MEI4: variants seen among roughly 807,000 people sequenced by gnomAD.
MEI4 encodes meiotic double-stranded break formation protein 4.
In MEI4, 27 loss-of-function variants were observed where a neutral mutation model predicts 31.4. That is an observed-to-expected ratio of 0.86 (90% confidence interval 0.63 to 1.19). The LOEUF is 1.19. Among genes scored for constraint, MEI4 ranks in the 50% most tolerant of loss-of-function variants. The probability of loss-of-function intolerance (pLI) is 0.00; values close to 1 mark genes in which losing one functional copy is unlikely to be tolerated. For synonymous variants in MEI4, 122 were observed against 145.4 expected, an observed-to-expected ratio of 0.84 and a Z score of 1.16; for missense variants, 329 against 398.9, an observed-to-expected ratio of 0.82 and a Z score of 1.49.
At chr6:77,770,979 A>AGG (rs1397004100) in intron 3 of MEI4, among the ~76,000 whole-genome samples, 2 of 152,186 alleles carry the variant, frequency 1.3e-5, no homozygotes, top group African/African-American at 4.8e-5. Flanking sequence ...AGCAAAATAA[A>AGG]CTATCAACAG....
intron 4 of MEI4, among the ~76,000 whole-genome samples, chr6:77,868,110 C>G (rs916729772): frequency 6.6e-6 from 1 of 151,658 alleles, no homozygotes; most frequent in Non-Finnish European, 1.5e-5. Context: ...GGAGATTTAC[C>G]TAATTTTAAA....
intron 4 of MEI4, among the ~76,000 whole-genome samples, 170 bp downstream of exon 4, chr6:77,829,232 T>G (rs1770023686): frequency 6.6e-6 from 1 of 152,178 alleles, no homozygotes; most frequent in South Asian, 2.1e-4. Flanking sequence ...AAAGATACTT[T>G]CAGAAAACAG....
chr6:77,792,731 T>TA (rs1372857119), intron 3 of MEI4, among the ~76,000 whole-genome samples: 5 of 151,836 alleles, frequency 3.3e-5, no homozygotes, highest in South Asian at 2.1e-4. Context: ...TTTTTTTTTT[T>TA]AGACGGAGTC....
At chr6:77,845,829 T>A (rs1770468579) in intron 4 of MEI4, among the ~76,000 whole-genome samples, 1 of 152,002 alleles carries the variant, frequency 6.6e-6, no homozygotes, top group African/African-American at 2.4e-5. Flanking sequence ...TAAAACTGTG[T>A]AGATTTTCAT....
chr6:77,902,126 A>G (rs1290359127), intron 4 of MEI4, among the ~76,000 whole-genome samples: 1 of 152,086 alleles, frequency 6.6e-6, no homozygotes, highest in Non-Finnish European at 1.5e-5. Context: ...AGATTTTGAA[A>G]TCAGATAGTA....
At chr6:77,910,778 ATAG>A (rs935796422) in intron 4 of MEI4, among the ~76,000 whole-genome samples, 9 of 152,220 alleles carry the variant, frequency 5.9e-5, no homozygotes, top group South Asian at 2.1e-4. Flanking sequence ...CTTTGGACAA[ATAG>A]TAGTTGGATT....
At chr6:77,730,966 T>C (rs1582069493) in intron 2 of MEI4, among the ~76,000 whole-genome samples, 1 of 151,970 alleles carries the variant, frequency 6.6e-6, no homozygotes, top group Middle Eastern at 3.4e-3. Flanking sequence ...CCCATCATTT[T>C]TTATGGCTGC....
intron 3 of MEI4, among the ~76,000 whole-genome samples, chr6:77,795,839 C>T (rs1769061189): frequency 6.6e-6 from 1 of 151,214 alleles, no homozygotes; most frequent in Admixed American, 6.6e-5. Flanking sequence ...CAAACATTTA[C>T]AGTAGAATTA....
At chr6:77,837,078 A>G (rs1413346653) in intron 4 of MEI4, among the ~76,000 whole-genome samples, 1 of 152,126 alleles carries the variant, frequency 6.6e-6, no homozygotes, top group African/African-American at 2.4e-5. Flanking sequence ...AAAAATTTCC[A>G]CATCACTGAA....
intron 2 of MEI4, among the ~76,000 whole-genome samples, chr6:77,758,188 G>A (rs550569942): frequency 1.3e-5 from 2 of 149,662 alleles, no homozygotes; most frequent in African/African-American, 4.9e-5. Context: ...GAAAGAAATA[G>A]CCACATGCAG....
chr6:77,715,485 GT>G (rs1361944850), intron 2 of MEI4, among the ~76,000 whole-genome samples: 1 of 152,150 alleles, frequency 6.6e-6, no homozygotes. Flanking sequence ...AGTAATTATA[GT>G]TTTATCGTTT....
At chr6:77,795,392 C>T (rs1208342600) in intron 3 of MEI4, among the ~76,000 whole-genome samples, 1 of 152,062 alleles carries the variant, frequency 6.6e-6, no homozygotes, top group Non-Finnish European at 1.5e-5. Context: ...GTCATGCATG[C>T]ACTCACATCA....
chr6:77,784,262 G>A (rs917742448), intron 3 of MEI4, among the ~76,000 whole-genome samples: 6 of 152,118 alleles, frequency 3.9e-5, no homozygotes, highest in Non-Finnish European at 7.4e-5. Context: ...AAATATCTTT[G>A]TTTTTGATGA....
intron 4 of MEI4, among the ~76,000 whole-genome samples, chr6:77,862,511 G>A (rs1770892971): frequency 6.6e-6 from 1 of 152,194 alleles, no homozygotes. Flanking sequence ...CTGCAAGGTG[G>A]CAGCGATGCT....
chr6:77,922,848 C>A (rs1766737052), intron 4 of MEI4, among the ~76,000 whole-genome samples: 2 of 151,752 alleles, frequency 1.3e-5, no homozygotes, highest in Middle Eastern at 6.8e-3. Flanking sequence ...TGCAAGAATG[C>A]AGGGAAAGGA....
intron 4 of MEI4, among the ~76,000 whole-genome samples, chr6:77,840,754 T>G (rs943789706): frequency 6.6e-6 from 1 of 152,164 alleles, no homozygotes; most frequent in East Asian, 1.9e-4. Flanking sequence ...TACCCATCTA[T>G]TTCTTTTTAT....
chr6:77,798,331 A>G (rs1198734889), intron 3 of MEI4, among the ~76,000 whole-genome samples: 1 of 151,524 alleles, frequency 6.6e-6, no homozygotes, highest in East Asian at 1.9e-4. Context: ...TTAAATACTT[A>G]TCAAATATTT....
intron 2 of MEI4, among the ~76,000 whole-genome samples, chr6:77,727,167 A>T (rs1766848553): frequency 6.6e-6 from 1 of 152,176 alleles, no homozygotes; most frequent in African/African-American, 2.4e-5. Flanking sequence ...TGAAGGTCAG[A>T]ACAGAGTCCA....
In MEI4 at chr6:77,924,614, G is replaced by A. The variant is rs887314860; in HGVS notation, c.*1268G>A. On this transcript the variant is annotated 3_prime_UTR_variant, in exon 5 of 5. Coordinates refer to ENST00000684080, the MANE Select transcript of MEI4 (RefSeq NM_001322247.2). ...GAGGTTGCACATACCACAGGAATAGGCTTCTTGCTAAAAGTCAGGCTTTCT... is the reference window on the plus strand; with the variant it reads ...GAGGTTGCACATACCACAGGAATAGACTTCTTGCTAAAAGTCAGGCTTTCT... The A allele has an allele frequency of 1.3e-5, 2 of 151,772 alleles. No individual in the cohort carries two copies. The highest frequency in any genetic ancestry group is 6.6e-5 in the Admixed American group (1 of 15,166). The allele number at this position is 151,772 out of a possible 1,614,324, so 9.4% of individuals were successfully genotyped here. A position where few individuals can be genotyped will look rare whatever the true frequency, so the allele number is the denominator to read the frequency against.
Sources: gnomAD v4.1 joint callset for allele counts (sites outside exome capture counted in the v4.1 genomes callset) on GRCh38, gnomAD v4.1.1 for gene constraint, MANE v1.5 for transcripts, NCBI Gene and HGNC (gene_info 2026-07-23, HGNC 2026-07-21) for gene names.